Variants in GNG2 observed in about 807,000 individuals in gnomAD.
GNG2 encodes guanine nucleotide-binding protein G(I)/G(S)/G(O) subunit gamma-2.
A neutral mutation model predicts 5.5 loss-of-function variants in GNG2; 5 were observed. That is an observed-to-expected ratio of 0.91 (90% CI 0.48 to 1.92). The LOEUF (loss-of-function observed/expected upper bound fraction) is 1.92. Among genes scored for constraint, GNG2 ranks in the 30% most tolerant of loss-of-function variants. The pLI is 0.01. For missense variants in GNG2, 55 were observed against 88.4 expected (o/e 0.62, Z 1.52); for synonymous variants, 28 against 32.0 (o/e 0.88, Z 0.42).
chr14:51,891,622 A>G (rs1440616261), intron 2 of GNG2, among the ~76,000 whole-genome samples: 5 of 152,154 alleles, frequency 3.3e-5, no homozygotes, highest in Non-Finnish European at 7.3e-5. Flanking sequence ...ACTTCCCTGC[A>G]TATGGTTTAG....
In GNG2 at chr14:51,846,369, A is replaced by G. The variant is rs1881628832; in HGVS notation, c.64+18562A>G. 2.0e-5 allele frequency among the ~76,000 whole-genome samples: 3 copies of G among 152,198 alleles called. No individual in the cohort carries two copies. In the East Asian group the frequency reaches 5.8e-4, roughly 29 times the overall value. ...AAAACCATATAAACCTGGATTAATC[A>G]ATTTTTCTTATGTGGTTTTATCAGG... On this transcript the variant is annotated intron_variant, in intron 2 of 3. Coordinates refer to the GNG2 transcript ENST00000553432.
chr14:51,934,757 C>T (rs992403831), intron 2 of GNG2, among the ~76,000 whole-genome samples: 2 of 152,040 alleles, frequency 1.3e-5, no homozygotes, highest in African/African-American at 2.4e-5. Flanking sequence ...ACTTCCATGC[C>T]CCTCTGTCTT....
At chr14:51,937,350 A>G (rs914603932) in intron 2 of GNG2, among the ~76,000 whole-genome samples, 1 of 152,208 alleles carries the variant, frequency 6.6e-6, no homozygotes, top group Admixed American at 6.5e-5. Flanking sequence ...TAAATCTTGC[A>G]GTGTAGATCA....
At chr14:51,893,326 C>A (rs182597390) in intron 2 of GNG2, among the ~76,000 whole-genome samples, 3 of 152,094 alleles carry the variant, frequency 2.0e-5, no homozygotes, top group Admixed American at 2.0e-4. Flanking sequence ...ATTTGCATTC[C>A]CTTGAATTCT....
chr14:51,852,661 A>C (rs73289383), intron 2 of GNG2, among the ~76,000 whole-genome samples: 4,116 of 152,368 alleles, frequency 0.027, 173 homozygotes, highest in African/African-American at 0.091. Context: ...TTTGAGACTT[A>C]CAATTGTACT....
intron 2 of GNG2, among the ~76,000 whole-genome samples, chr14:51,887,606 T>G (rs1884554964): frequency 6.6e-6 from 1 of 152,182 alleles, no homozygotes; most frequent in Admixed American, 6.5e-5. Flanking sequence ...CTTGGGAAGT[T>G]CTGGGACGGG....
intron 3 of GNG2, among the ~76,000 whole-genome samples, chr14:51,954,018 G>T (rs527340282): frequency 1.3e-5 from 2 of 152,326 alleles, no homozygotes; most frequent in African/African-American, 2.4e-5. Flanking sequence ...AATTGAAGTT[G>T]TTGAGGGTCC....
rs1594971124 is a variant in GNG2, at chr14:51,965,775, G to C, written c.88-784G>C. On this transcript the variant is annotated intron_variant, in intron 3 of 3. Coordinates refer to ENST00000556766, the MANE Select transcript of GNG2 (RefSeq NM_053064.5). ...CACAATTCCTGAAGCAGAGAGTCAC[G>C]ACTACAAAATGATAATAATGGCTAG... 3.3e-5 allele frequency among the ~76,000 whole-genome samples: 5 copies of C among 152,244 alleles called. No individual in the cohort carries two copies. In the South Asian group the frequency reaches 1.0e-3, roughly 32 times the overall value.
intron 2 of GNG2, chr14:51,916,609 G>A: frequency 2.5e-6 from 1 of 403,018 alleles, no homozygotes; most frequent in Non-Finnish European, 4.9e-6. Flanking sequence ...TGAGGGGGAG[G>A]AAGCCAGAAG....
At chr14:51,873,584 A>G (rs1240345685) in intron 1 of GNG2, among the ~76,000 whole-genome samples, 1 of 152,248 alleles carries the variant, frequency 6.6e-6, no homozygotes, top group Non-Finnish European at 1.5e-5. Context: ...TGTGGTTCAC[A>G]AGGGAGAAAA....
intron 1 of GNG2, among the ~76,000 whole-genome samples, chr14:51,868,374 A>G (rs1224988131): frequency 6.6e-6 from 1 of 152,218 alleles, no homozygotes; most frequent in African/African-American, 2.4e-5. Flanking sequence ...ATTAAATCAG[A>G]ATCAACCAGG....
chr14:51,828,713 C>T (rs1490034389), intron 2 of GNG2, among the ~76,000 whole-genome samples: 2 of 152,142 alleles, frequency 1.3e-5, no homozygotes, highest in South Asian at 4.1e-4. Flanking sequence ...TAAGGCTGGA[C>T]TGTGAAGCTG....
At chr14:51,857,736 A>T (rs866896508), upstream of GNG2, among the ~76,000 whole-genome samples, 3 of 152,212 alleles carry the variant, frequency 2.0e-5, no homozygotes, top group Admixed American at 6.5e-5. Context: ...ACTTTAAATC[A>T]GATTGGGATA....
chr14:51,940,592 G>A (rs57983690), intron 2 of GNG2, among the ~76,000 whole-genome samples: 4,658 of 152,252 alleles, frequency 0.031, 254 homozygotes, highest in African/African-American at 0.1. Context: ...TGACTTCCCA[G>A]TTGTTGAAAG....
At chr14:51,899,612 CA>C (rs936509040) in intron 2 of GNG2, among the ~76,000 whole-genome samples, 53 of 151,970 alleles carry the variant, frequency 3.5e-4, no homozygotes, top group Admixed American at 5.9e-4. Flanking sequence ...CCATCTCTAT[CA>C]AAAAATTTTT....
intron 2 of GNG2, among the ~76,000 whole-genome samples, chr14:51,902,248 TA>T (rs1381444078): frequency 6.6e-6 from 1 of 151,836 alleles, no homozygotes; most frequent in Non-Finnish European, 1.5e-5. Flanking sequence ...AAGAAAAGAG[TA>T]AATTGGGAAG....
chr14:51,959,139 GTCCTAGGGT>G (rs1350740111), intron 3 of GNG2, among the ~76,000 whole-genome samples: 1 of 151,962 alleles, frequency 6.6e-6, no homozygotes, highest in Admixed American at 6.6e-5. Flanking sequence ...ACATTCAAGG[GTCCTAGGGT>G]TCATTCATTA....
At chr14:51,906,097 CAG>C in intron 2 of GNG2, among the ~76,000 whole-genome samples, 1 of 152,334 alleles carries the variant, frequency 6.6e-6, no homozygotes, top group East Asian at 1.9e-4. Flanking sequence ...CTAATAAACT[CAG>C]GGGACTATTG....
intron 3 of GNG2, among the ~76,000 whole-genome samples, chr14:51,953,375 G>A (rs1889097756): frequency 6.6e-6 from 1 of 152,072 alleles, no homozygotes; most frequent in Non-Finnish European, 1.5e-5. Flanking sequence ...AATTGAACAA[G>A]GCCTATTATT....
Sources: allele counts gnomAD v4.1 joint callset (sites outside exome capture counted in the v4.1 genomes callset), GRCh38; gene constraint gnomAD v4.1.1; transcripts MANE v1.5; gene names NCBI Gene and HGNC (gene_info 2026-07-23, HGNC 2026-07-21).